The following PLD1 variants were observed in gnomAD, a reference collection of about 807,000 sequenced individuals.
PLD1 encodes phospholipase D1.
PLD1 carries 112 observed loss-of-function variants against 137.1 expected under a neutral mutation model. That is an observed-to-expected ratio of 0.82 (90% CI 0.70 to 0.96). The LOEUF (loss-of-function observed/expected upper bound fraction) is 0.96, where lower values mean the gene tolerates loss of function less well. Ranked by LOEUF, PLD1 falls within the 40% of genes least tolerant of loss-of-function variation. PLD1 has a pLI of 0.00. For missense variants in PLD1, 1,321 were observed against 1,342.0 expected, an observed-to-expected ratio of 0.98 and a Z score of 0.24; for synonymous variants, 431 against 454.7, an observed-to-expected ratio of 0.95 and a Z score of 0.66.
At chr3:171,665,816 C>T (rs917142239) in intron 19 of PLD1, among the ~76,000 whole-genome samples, 2 of 152,078 alleles carry the variant, frequency 1.3e-5, no homozygotes, top group African/African-American at 4.8e-5. Flanking sequence ...GGTTTCCTAC[C>T]TCCTGAGGGG....
intron 11 of PLD1, among the ~76,000 whole-genome samples, chr3:171,700,325 C>G (rs923783424): frequency 3.3e-5 from 5 of 150,758 alleles, no homozygotes; most frequent in Non-Finnish European, 7.4e-5. Flanking sequence ...AACACACACA[C>G]ACACACACAC....
intron 19 of PLD1, among the ~76,000 whole-genome samples, chr3:171,663,471 C>T (rs975173605): frequency 6.6e-6 from 1 of 152,052 alleles, no homozygotes; most frequent in African/African-American, 2.4e-5. Context: ...AGTGAATTAC[C>T]GTGAAATGTG....
intron 1 of PLD1, among the ~76,000 whole-genome samples, chr3:171,764,850 A>AG (rs1491417942): frequency 4.8e-5 from 1 of 20,732 alleles, no homozygotes; most frequent in African/African-American, 2.1e-4. Context: ...AAAGAAAGAA[A>AG]GAAAGAAAGA....
intron 1 of PLD1, among the ~76,000 whole-genome samples, chr3:171,807,259 C>A (rs546862985): frequency 1.3e-5 from 2 of 152,034 alleles, no homozygotes; most frequent in Non-Finnish European, 2.9e-5. Flanking sequence ...TGTGCCACTA[C>A]ACTCCAACCT....
chr3:171,660,617 T>G (rs1263983374), intron 20 of PLD1, among the ~76,000 whole-genome samples: 1 of 152,148 alleles, frequency 6.6e-6, no homozygotes, highest in Non-Finnish European at 1.5e-5. Context: ...TTTTTTTTAT[T>G]TTTTTGAGAT....
Position 171,603,278 on chromosome 3 carries a change from C to T in PLD1, c.3025G>A (p.Glu1009Lys), listed in dbSNP as rs1175250035. ...CTCAGCTGAATTAAATTGTGTACTT[C>T]ATCATTGGGAAGGCACCGGAAAACC... The part of the protein sequence containing the change: ...DKVFRCLPND[E>K]VHNLIQLRDF... The change falls in exon 27 of 27, where the codon GAA becomes AAA. Residue 1009 changes from glutamate to lysine, a missense_variant. Physicochemically the swap from Glu to Lys is moderately conservative, Grantham distance 56 (BLOSUM62 1). Coordinates refer to ENST00000351298, the MANE Select transcript of PLD1 (RefSeq NM_002662.5). 6.2e-7 allele frequency: 1 copy of T among 1,613,914 alleles called. No individual in the cohort carries two copies. Among genetic ancestry groups the T allele is most frequent in the Non-Finnish European group, 8.5e-7 (1 of 1,179,896 alleles).
At chr3:171,680,930 A>G (rs947151296) in intron 16 of PLD1, among the ~76,000 whole-genome samples, 1 of 152,186 alleles carries the variant, frequency 6.6e-6, no homozygotes, top group Admixed American at 6.5e-5. Flanking sequence ...TGTCTCTACT[A>G]TAAACGCTAT....
chr3:171,704,055 G>A (rs573051556), intron 11 of PLD1, among the ~76,000 whole-genome samples: 1 of 152,186 alleles, frequency 6.6e-6, no homozygotes, highest in Non-Finnish European at 1.5e-5. Flanking sequence ...ACTAAAAATT[G>A]GGGAGAGGAG....
chr3:171,762,211 T>C (rs1721447914), intron 1 of PLD1, among the ~76,000 whole-genome samples: 1 of 152,236 alleles, frequency 6.6e-6, no homozygotes, highest in South Asian at 2.1e-4. Flanking sequence ...CTTCACAGTC[T>C]TATTCCCCAG....
intron 1 of PLD1, among the ~76,000 whole-genome samples, chr3:171,751,216 A>T (rs1720634291): frequency 6.6e-6 from 1 of 152,254 alleles, no homozygotes; most frequent in Non-Finnish European, 1.5e-5. Context: ...TTAAAGAGCT[A>T]AACATGAACT....
chr3:171,708,199 G>C (rs1206510544), intron 11 of PLD1, among the ~76,000 whole-genome samples: 1 of 152,196 alleles, frequency 6.6e-6, no homozygotes, highest in Non-Finnish European at 1.5e-5. Flanking sequence ...AGTTAAATGA[G>C]TTTCCGATAT....
At chr3:171,747,955 A>G (rs1720364579) in intron 1 of PLD1, among the ~76,000 whole-genome samples, 1 of 152,252 alleles carries the variant, frequency 6.6e-6, no homozygotes, top group Non-Finnish European at 1.5e-5. Flanking sequence ...TCTGTTTTAC[A>G]TGAATATGAA....
At chr3:171,700,480 T>C (rs1005169630) in intron 11 of PLD1, among the ~76,000 whole-genome samples, 6 of 152,066 alleles carry the variant, frequency 3.9e-5, no homozygotes, top group Non-Finnish European at 7.4e-5. Context: ...CTTACAGGGG[T>C]GCAGCAATAT....
Position 171,739,620 on chromosome 3 carries a change from G to A in PLD1, c.-31-1538C>T, listed in dbSNP as rs190552113. On this transcript the variant is annotated intron_variant, in intron 1 of 26. Transcript: ENST00000351298. The stretch of plus-strand genomic sequence containing the variant: ...AGAATGCACCTCGCTGGTGATAATT[G>A]TTTACATACATTGTCTCATTTGTCA... 7.8e-4 allele frequency among the ~76,000 whole-genome samples: 119 copies of A among 152,224 alleles called. 1 individual carries two copies. The highest frequency in any genetic ancestry group is 4.9e-4 in the Non-Finnish European group (33 of 68,018).
intron 1 of PLD1, among the ~76,000 whole-genome samples, chr3:171,807,837 T>C (rs79445118): frequency 6.6e-6 from 1 of 152,214 alleles, no homozygotes; most frequent in African/African-American, 2.4e-5. Context: ...GCCCATCAAC[T>C]ATGGACCGGA....
chr3:171,703,112 A>C (rs1190252189), intron 11 of PLD1, among the ~76,000 whole-genome samples: 1 of 152,216 alleles, frequency 6.6e-6, no homozygotes, highest in African/African-American at 2.4e-5. Context: ...GTTATTATTC[A>C]ACAAATGCAG....
At chr3:171,764,876 A>AAGGAAGGAAGG (rs1721750729) in intron 1 of PLD1, among the ~76,000 whole-genome samples, 2 of 25,520 alleles carry the variant, frequency 7.8e-5, no homozygotes, top group Non-Finnish European at 1.8e-4. Context: ...AGAAAGAAAG[A>AAGGAAGGAAGG]AAGAAAGAAA....
chr3:171,737,320 A>G (rs1409437474), intron 3 of PLD1, among the ~76,000 whole-genome samples: 1 of 152,238 alleles, frequency 6.6e-6, no homozygotes, highest in Non-Finnish European at 1.5e-5. Flanking sequence ...CTTTGGCTCA[A>G]ATGAAGAAAG....
chr3:171,658,688 G>A (rs1224423719), intron 21 of PLD1, among the ~76,000 whole-genome samples: 1 of 152,182 alleles, frequency 6.6e-6, no homozygotes, highest in Admixed American at 6.5e-5. Flanking sequence ...TTCTTTCTGA[G>A]TGGATGAAAA....
Sources: gnomAD v4.1 joint callset for allele counts (sites outside exome capture counted in the v4.1 genomes callset) on GRCh38, gnomAD v4.1.1 for gene constraint, MANE v1.5 for transcripts, NCBI Gene and HGNC (gene_info 2026-07-23, HGNC 2026-07-21) for gene names.